Variants in CTNNA3 observed in about 807,000 individuals in gnomAD.
CTNNA3 encodes the protein catenin alpha 3.
CTNNA3 carries 76 observed loss-of-function variants against 95.7 expected under a neutral mutation model. The observed-to-expected ratio is 0.79, with a 90% CI of 0.66 to 0.96. The LOEUF is 0.96. Ranked by LOEUF, CTNNA3 falls within the 40% of genes least tolerant of loss-of-function variation. The pLI is 0.00. For synonymous variants in CTNNA3, 431 were observed against 374.4 expected, an observed-to-expected ratio of 1.15 and a Z score of -1.74; for missense variants, 1,191 against 1,089.8, an observed-to-expected ratio of 1.09 and a Z score of -1.31.
chr10:67,460,302 C>G (rs1847326239), intron 5 of CTNNA3, among the ~76,000 whole-genome samples: 3 of 152,118 alleles, frequency 2.0e-5, no homozygotes, highest in Non-Finnish European at 4.4e-5. Flanking sequence ...AGGACATAGT[C>G]CCTGGGTGTG....
chr10:66,548,895 G>A (rs767254890), intron 10 of CTNNA3, among the ~76,000 whole-genome samples: 2 of 150,428 alleles, frequency 1.3e-5, no homozygotes, highest in African/African-American at 4.9e-5. Context: ...TCATATTCAC[G>A]AAGAATATTT....
intron 14 of CTNNA3, among the ~76,000 whole-genome samples, chr10:66,097,316 G>A (rs2081434623): frequency 6.6e-6 from 1 of 152,098 alleles, no homozygotes; most frequent in South Asian, 2.1e-4. Context: ...TCAATAAAAA[G>A]TCAAAGCACA....
chr10:67,419,620 A>G (rs571316788), intron 5 of CTNNA3, among the ~76,000 whole-genome samples: 2 of 152,188 alleles, frequency 1.3e-5, no homozygotes, highest in Admixed American at 6.5e-5. Flanking sequence ...GCGCTTTCTC[A>G]TATCTCTGAA....
chr10:67,622,972 C>T (rs1843896754), intron 2 of CTNNA3, among the ~76,000 whole-genome samples: 1 of 152,252 alleles, frequency 6.6e-6, no homozygotes, highest in South Asian at 2.1e-4. Flanking sequence ...TAAGGTTACT[C>T]GTTGAGGTTA....
At chr10:67,579,669 A>C in intron 3 of CTNNA3, among the ~76,000 whole-genome samples, 1 of 152,226 alleles carries the variant, frequency 6.6e-6, no homozygotes, top group Non-Finnish European at 1.5e-5. Flanking sequence ...CAGTCCCACC[A>C]ACAGTGTAAA....
intron 13 of CTNNA3, among the ~76,000 whole-genome samples, chr10:66,213,887 C>T (rs1324013778): frequency 2.6e-5 from 4 of 152,116 alleles, no homozygotes; most frequent in East Asian, 1.9e-4. Context: ...AAAATGTTTC[C>T]TCCCTTAGAA....
chr10:66,882,351 A>G (rs1844881385), intron 7 of CTNNA3, among the ~76,000 whole-genome samples: 1 of 152,120 alleles, frequency 6.6e-6, no homozygotes, highest in South Asian at 2.1e-4. Context: ...CAGACACTCA[A>G]TACAACACAA....
chr10:66,888,469 T>C (rs1475991725), intron 7 of CTNNA3, among the ~76,000 whole-genome samples: 1 of 152,068 alleles, frequency 6.6e-6, no homozygotes, highest in African/African-American at 2.4e-5. Flanking sequence ...TAATTTGTTA[T>C]AGCAACAAGA....
chr10:66,771,413 T>A (rs1192809124), intron 8 of CTNNA3, among the ~76,000 whole-genome samples: 1 of 152,098 alleles, frequency 6.6e-6, no homozygotes, highest in East Asian at 1.9e-4. Context: ...GGTATACAGT[T>A]TTCAAATGAA....
chr10:66,716,429 A>AT (rs1414534151), intron 9 of CTNNA3, among the ~76,000 whole-genome samples: 1 of 152,120 alleles, frequency 6.6e-6, no homozygotes, highest in Non-Finnish European at 1.5e-5. Flanking sequence ...CATCTCTCAT[A>AT]TTGACAGCAG....
chr10:67,728,023 TTA>T (rs1841251376), intron 1 of CTNNA3, among the ~76,000 whole-genome samples: 3 of 140,888 alleles, frequency 2.1e-5, no homozygotes, highest in Admixed American at 7.5e-5. Flanking sequence ...ATATCATATA[TTA>T]TATATGATAT....
intron 11 of CTNNA3, among the ~76,000 whole-genome samples, chr10:66,425,988 T>C (rs1234805381): frequency 6.6e-6 from 1 of 152,122 alleles, no homozygotes; most frequent in African/African-American, 2.4e-5. Context: ...CACTTAATCA[T>C]CTACAATGTA....
intron 10 of CTNNA3, among the ~76,000 whole-genome samples, chr10:66,575,893 T>G (rs1327916500): frequency 2.0e-5 from 3 of 152,092 alleles, no homozygotes; most frequent in Admixed American, 2.0e-4. Flanking sequence ...CTTTAATACC[T>G]GTGATCACAG....
chr10:66,718,431 A>C (rs1389655017), intron 9 of CTNNA3, among the ~76,000 whole-genome samples: 2 of 152,112 alleles, frequency 1.3e-5, no homozygotes, highest in Non-Finnish European at 2.9e-5. Flanking sequence ...CAGTGGAGTC[A>C]AATCTTAGAA....
intron 5 of CTNNA3, among the ~76,000 whole-genome samples, chr10:67,516,941 T>G (rs1372604097): frequency 6.6e-6 from 1 of 152,198 alleles, no homozygotes; most frequent in African/African-American, 2.4e-5. Context: ...TTTCCTTCCT[T>G]TTTAAGGCTA....
intron 13 of CTNNA3, among the ~76,000 whole-genome samples, chr10:66,235,406 A>G (rs924001412): frequency 6.6e-6 from 1 of 151,126 alleles, no homozygotes; most frequent in Non-Finnish European, 1.5e-5. Flanking sequence ...TATTACATAT[A>G]AGATATAATA....
chr10:67,299,583 C>T (rs555770317), intron 5 of CTNNA3, among the ~76,000 whole-genome samples: 10 of 152,258 alleles, frequency 6.6e-5, no homozygotes, highest in African/African-American at 2.2e-4. Context: ...ATTTCTCTTT[C>T]CCACTGGCTT....
chr10:67,075,200 C>T (rs1347783207), intron 7 of CTNNA3, among the ~76,000 whole-genome samples: 2 of 92,540 alleles, frequency 2.2e-5, no homozygotes, highest in East Asian at 2.8e-4. Flanking sequence ...TCACACACTA[C>T]TATTTAAAAT....
In CTNNA3 at chr10:67,040,374, T is replaced by C. The variant is rs569545809; in HGVS notation, c.1047+139943A>G. Among the ~76,000 whole-genome samples, 20 of 152,230 alleles carry C rather than the reference T, an allele frequency of 1.3e-4. No individual in the cohort carries two copies. In the South Asian group the frequency reaches 3.3e-3, roughly 25 times the overall value. ...CTCAGTAGTAACTAGGTAAAGATTG[T>C]ACTGGTTCCCCAGTTGATAATGGGA... On this transcript the variant is annotated intron_variant, in intron 7 of 17. Coordinates refer to ENST00000433211, the MANE Select transcript of CTNNA3 (RefSeq NM_013266.4).
Sources: allele counts gnomAD v4.1 joint callset (sites outside exome capture counted in the v4.1 genomes callset), GRCh38; gene constraint gnomAD v4.1.1; transcripts MANE v1.5; gene names NCBI Gene and HGNC (gene_info 2026-07-23, HGNC 2026-07-21).